The following CTNNA3 variants were observed in gnomAD, a reference collection of about 807,000 sequenced individuals.
The protein encoded by CTNNA3 is catenin alpha 3, also known as catenin alpha-3.
Under a neutral mutation model 95.7 loss-of-function variants are expected in CTNNA3, and 76 were observed. The ratio of observed to expected loss-of-function variants is 0.79; its 90% CI spans 0.66 to 0.96. The LOEUF (loss-of-function observed/expected upper bound fraction) is 0.96. CTNNA3 is among the 40% of genes least tolerant of loss of function. The pLI is 0.00. For synonymous variants in CTNNA3, 431 were observed against 374.4 expected (o/e 1.15, Z -1.74); for missense variants, 1,191 against 1,089.8 (o/e 1.09, Z -1.31).
rs141983252 is a variant in CTNNA3 at position 67,219,878 on chromosome 10, G to A, written c.580-8C>T. The A allele has an allele frequency of 2.1e-3, 3,423 of 1,594,024 alleles. 5 individuals carry two copies. The highest frequency in any genetic ancestry group is 2.7e-3 in the Non-Finnish European group (3,109 of 1,167,718). On this transcript the variant is annotated splice_region_variant and splice_polypyrimidine_tract_variant and intron_variant, in intron 5 of 17. Coordinates refer to ENST00000433211, the MANE Select transcript of CTNNA3 (RefSeq NM_013266.4). ...ATTTGGAGATTTTAAGTCCTGAGAAGGTAAATAAAAAGAGTGGTATCTTAC... is the reference window on the plus strand; with the variant it reads ...ATTTGGAGATTTTAAGTCCTGAGAAAGTAAATAAAAAGAGTGGTATCTTAC...
chr10:66,587,484 G>A (rs1013130227), intron 10 of CTNNA3, among the ~76,000 whole-genome samples: 26 of 152,220 alleles, frequency 1.7e-4, no homozygotes, highest in African/African-American at 6.3e-4. Context: ...TGTGCTACCA[G>A]GGCAGGTGGA....
intron 1 of CTNNA3, among the ~76,000 whole-genome samples, chr10:67,713,457 T>C (rs558486204): frequency 6.6e-6 from 1 of 152,318 alleles, no homozygotes; most frequent in African/African-American, 2.4e-5. Context: ...GGATTATAAG[T>C]CACTCTACTA....
chr10:66,299,112 A>C (rs1342045317), intron 12 of CTNNA3, among the ~76,000 whole-genome samples: 1 of 152,088 alleles, frequency 6.6e-6, no homozygotes, highest in Non-Finnish European at 1.5e-5. Flanking sequence ...CCTTTGCTTC[A>C]AGTTGTCCCG....
At chr10:66,345,235 G>C (rs1328846196) in intron 12 of CTNNA3, among the ~76,000 whole-genome samples, 2 of 152,020 alleles carry the variant, frequency 1.3e-5, no homozygotes, top group Admixed American at 1.3e-4. Flanking sequence ...TACAATAAAG[G>C]CTAGAATGTA....
intron 9 of CTNNA3, among the ~76,000 whole-genome samples, chr10:66,626,035 C>A (rs1047547149): frequency 1.3e-5 from 2 of 152,124 alleles, no homozygotes; most frequent in Non-Finnish European, 2.9e-5. Flanking sequence ...GTTAAGTCTG[C>A]TTTTCATCAT....
chr10:67,468,694 C>T (rs1397542472), intron 5 of CTNNA3, among the ~76,000 whole-genome samples: 1 of 152,108 alleles, frequency 6.6e-6, no homozygotes, highest in Non-Finnish European at 1.5e-5. Context: ...TCTCTTTCCC[C>T]TTTTACTGGT....
At chr10:66,064,317 A>G (rs1261640907) in intron 15 of CTNNA3, among the ~76,000 whole-genome samples, 1 of 152,162 alleles carries the variant, frequency 6.6e-6, no homozygotes, top group Non-Finnish European at 1.5e-5. Flanking sequence ...GAGGATGATA[A>G]TTCAAGATAA....
At chr10:66,819,283 C>G (rs1388507171) in intron 7 of CTNNA3, among the ~76,000 whole-genome samples, 1 of 151,862 alleles carries the variant, frequency 6.6e-6, no homozygotes, top group Non-Finnish European at 1.5e-5. Flanking sequence ...AACTGGATAT[C>G]CACATGCAAA....
At chr10:65,984,986 C>T (rs949848733) in intron 16 of CTNNA3, among the ~76,000 whole-genome samples, 2 of 149,952 alleles carry the variant, frequency 1.3e-5, no homozygotes, top group Non-Finnish European at 3.0e-5. Context: ...ATACTAAATA[C>T]TAAAAAAAAG....
intron 1 of CTNNA3, among the ~76,000 whole-genome samples, chr10:67,754,961 G>A (rs1841425249): frequency 6.6e-6 from 1 of 152,132 alleles, no homozygotes; most frequent in Admixed American, 6.5e-5. Flanking sequence ...ACTTAGGGAG[G>A]CTGACATGGG....
chr10:67,055,326 T>G (rs1855358279), intron 7 of CTNNA3, among the ~76,000 whole-genome samples: 1 of 152,190 alleles, frequency 6.6e-6, no homozygotes, highest in Non-Finnish European at 1.5e-5. Context: ...AACAAACTCA[T>G]TAAGCAAAGA....
chr10:67,743,599 G>A (rs1841356197), intron 1 of CTNNA3, among the ~76,000 whole-genome samples: 1 of 151,318 alleles, frequency 6.6e-6, no homozygotes, highest in African/African-American at 2.4e-5. Flanking sequence ...CACAAGACAG[G>A]GATGCCCTCT....
At chr10:66,912,643 T>C (rs1846270179) in intron 7 of CTNNA3, among the ~76,000 whole-genome samples, 1 of 152,128 alleles carries the variant, frequency 6.6e-6, no homozygotes, top group South Asian at 2.1e-4. Context: ...CCTCAATATC[T>C]ATAGTAAGAT....
intron 7 of CTNNA3, among the ~76,000 whole-genome samples, chr10:67,114,742 G>A (rs1336476997): frequency 1.4e-5 from 2 of 144,470 alleles, no homozygotes; most frequent in East Asian, 4.0e-4. Flanking sequence ...GTGTGTGTGT[G>A]TGTAGCATGT....
At chr10:66,437,109 C>T (rs2093343392) in intron 11 of CTNNA3, among the ~76,000 whole-genome samples, 1 of 152,106 alleles carries the variant, frequency 6.6e-6, no homozygotes, top group African/African-American at 2.4e-5. Flanking sequence ...TTCTCTCTGG[C>T]TGCTCTTAAC....
intron 9 of CTNNA3, among the ~76,000 whole-genome samples, chr10:66,670,809 T>G (rs960813197): frequency 2.6e-5 from 4 of 152,210 alleles, no homozygotes; most frequent in Admixed American, 6.5e-5. Flanking sequence ...CCACAGGGTG[T>G]GCCCACCAGA....
intron 7 of CTNNA3, among the ~76,000 whole-genome samples, chr10:66,819,659 T>G (rs904891415): frequency 6.6e-6 from 1 of 152,088 alleles, no homozygotes; most frequent in African/African-American, 2.4e-5. Context: ...TTTAAAAGAA[T>G]AACCCAATTA....
At chr10:66,593,295 AC>A (rs1589464488) in intron 10 of CTNNA3, among the ~76,000 whole-genome samples, 2 of 152,222 alleles carry the variant, frequency 1.3e-5, no homozygotes, top group East Asian at 3.9e-4. Flanking sequence ...TTGTACTCCC[AC>A]CATGGCCAGT....
intron 5 of CTNNA3, among the ~76,000 whole-genome samples, chr10:67,368,069 C>A (rs976835113): frequency 2.7e-5 from 4 of 150,740 alleles, no homozygotes; most frequent in Non-Finnish European, 5.9e-5. Context: ...TTACAGAGCT[C>A]CAAAAAAAAT....
Sources: gnomAD v4.1 joint callset for allele counts (sites outside exome capture counted in the v4.1 genomes callset) on GRCh38, gnomAD v4.1.1 for gene constraint, MANE v1.5 for transcripts, NCBI Gene and HGNC (gene_info 2026-07-23, HGNC 2026-07-21) for gene names.